Variants in STARD13 observed in about 807,000 individuals in gnomAD.
STARD13 encodes the protein stAR-related lipid transfer protein 13.
STARD13 carries 62 observed loss-of-function variants against 106.4 expected under a neutral mutation model. The ratio of observed to expected loss-of-function variants is 0.58; its 90% CI spans 0.48 to 0.72. STARD13 has a LOEUF of 0.72. STARD13 is among the 30% of genes least tolerant of loss of function. STARD13 has a pLI of 0.00. For missense variants in STARD13, 1,387 were observed against 1,424.0 expected, an observed-to-expected ratio of 0.97 and a Z score of 0.42; for synonymous variants, 565 against 553.0, an observed-to-expected ratio of 1.02 and a Z score of -0.31.
chr13:33,658,609 T>C, the STARD13 span, among the ~76,000 whole-genome samples: 1 of 152,246 alleles, frequency 6.6e-6, no homozygotes, highest in East Asian at 1.9e-4. Flanking sequence ...CCAATGGTCC[T>C]TCACCAGCTG....
the STARD13 span, among the ~76,000 whole-genome samples, chr13:33,377,329 T>C: frequency 6.6e-6 from 1 of 152,208 alleles, no homozygotes; most frequent in African/African-American, 2.4e-5. Context: ...TTACTTTGTG[T>C]CTTCTTTTGA....
the STARD13 span, among the ~76,000 whole-genome samples, chr13:33,673,109 C>A: frequency 6.6e-6 from 1 of 152,162 alleles, no homozygotes; most frequent in South Asian, 2.1e-4. Flanking sequence ...CATTTTATTC[C>A]AAGTGTTTTG....
At chr13:33,188,821 A>G (rs1346334626) in intron 1 of STARD13, among the ~76,000 whole-genome samples, 1 of 152,244 alleles carries the variant, frequency 6.6e-6, no homozygotes, top group Non-Finnish European at 1.5e-5. Flanking sequence ...TGCTTTCTTC[A>G]TAAAGAATCT....
chr13:33,364,574 AAGG>A, the STARD13 span, among the ~76,000 whole-genome samples: 1 of 152,150 alleles, frequency 6.6e-6, no homozygotes, highest in Non-Finnish European at 1.5e-5. Flanking sequence ...TGTGGTTTTA[AAGG>A]AGAATAGAAT....
At chr13:33,369,280 C>G in the STARD13 span, among the ~76,000 whole-genome samples, 2 of 151,998 alleles carry the variant, frequency 1.3e-5, no homozygotes, top group Non-Finnish European at 2.9e-5. Flanking sequence ...TTTCGTTTTT[C>G]TGCTGACACA....
chr13:33,558,679 T>G, the STARD13 span, among the ~76,000 whole-genome samples: 1 of 146,982 alleles, frequency 6.8e-6, no homozygotes, highest in Non-Finnish European at 1.5e-5. Context: ...TTTCACTGAT[T>G]CTTCTCACTT....
At chr13:33,600,997 CA>C in the STARD13 span, among the ~76,000 whole-genome samples, 12 of 152,164 alleles carry the variant, frequency 7.9e-5, no homozygotes, top group Non-Finnish European at 7.4e-5. Context: ...ACACTTGGAT[CA>C]AACGATGGAA....
intron 1 of STARD13, among the ~76,000 whole-genome samples, chr13:33,220,115 G>T (rs1888272953): frequency 6.6e-6 from 1 of 152,196 alleles, no homozygotes. Flanking sequence ...TATATCTTCA[G>T]TGGGTAGAGC....
Position 33,318,273 on chromosome 13 carries a change from G to A in STARD13, c.124+32017C>T, listed in dbSNP as rs557930388. 1.7e-4 allele frequency among the ~76,000 whole-genome samples: 26 copies of A among 152,216 alleles called. No homozygotes were observed. In the South Asian group the frequency reaches 1.9e-3, roughly 11 times the overall value. ...ACTCATTCTGACTCACAGAGAATACGTATTTATTTTAATATAAGAATGAAT... is the reference window on the plus strand; with the variant it reads ...ACTCATTCTGACTCACAGAGAATACATATTTATTTTAATATAAGAATGAAT... On this transcript the variant is annotated intron_variant, in intron 1 of 5. Coordinates refer to the STARD13 transcript ENST00000567873.
chr13:33,600,590 A>G, the STARD13 span, among the ~76,000 whole-genome samples: 5 of 152,234 alleles, frequency 3.3e-5, no homozygotes, highest in African/African-American at 4.8e-5. Flanking sequence ...GGTGAAAGGT[A>G]TACGGTATTC....
chr13:33,398,668 T>G, the STARD13 span, among the ~76,000 whole-genome samples: 3 of 152,120 alleles, frequency 2.0e-5, no homozygotes, highest in Non-Finnish European at 4.4e-5. Context: ...ACAGAAGATA[T>G]GCAAATAATC....
chr13:33,303,421 C>G (rs1206689287), intron 1 of STARD13, among the ~76,000 whole-genome samples: 1 of 152,082 alleles, frequency 6.6e-6, no homozygotes, highest in Non-Finnish European at 1.5e-5. Flanking sequence ...CTGGGTGACC[C>G]TAGACTTCAC....
At chr13:33,499,622 CT>C in the STARD13 span, among the ~76,000 whole-genome samples, 1,171 of 116,026 alleles carry the variant, frequency 0.01, 62 homozygotes, top group African/African-American at 0.018. Context: ...TCTTCTTCTT[CT>C]TCTTCTTCTT....
chr13:33,124,621 A>C (rs971175913), intron 7 of STARD13, among the ~76,000 whole-genome samples: 6 of 152,208 alleles, frequency 3.9e-5, no homozygotes, highest in African/African-American at 1.4e-4. Flanking sequence ...TGATATTGGC[A>C]CTGCACATTA....
At chr13:33,314,200 G>A (rs1208278644) in intron 1 of STARD13, among the ~76,000 whole-genome samples, 1 of 152,124 alleles carries the variant, frequency 6.6e-6, no homozygotes, top group African/African-American at 2.4e-5. Flanking sequence ...TCTAATTATG[G>A]TAGCTGTCAG....
chr13:33,208,604 G>A (rs1364706911), intron 1 of STARD13, among the ~76,000 whole-genome samples: 1 of 152,162 alleles, frequency 6.6e-6, no homozygotes, highest in Non-Finnish European at 1.5e-5. Flanking sequence ...CAGTCTGAGC[G>A]GTGAGAGCTA....
the STARD13 span, among the ~76,000 whole-genome samples, chr13:33,572,247 C>G: frequency 6.6e-6 from 1 of 152,148 alleles, no homozygotes; most frequent in African/African-American, 2.4e-5. Context: ...AAACTTTTCT[C>G]TGTACATTGT....
intron 1 of STARD13, among the ~76,000 whole-genome samples, chr13:33,219,025 C>T (rs990684519): frequency 2.0e-5 from 3 of 152,136 alleles, no homozygotes; most frequent in African/African-American, 7.2e-5. Flanking sequence ...GGCGTCTTCC[C>T]TTTCTAATTT....
chr13:33,412,672 A>T, the STARD13 span, among the ~76,000 whole-genome samples: 4 of 152,216 alleles, frequency 2.6e-5, no homozygotes, highest in East Asian at 7.7e-4. Flanking sequence ...AACTATAGTA[A>T]TATGAAAATG....
Sources: gnomAD v4.1 joint callset for allele counts (sites outside exome capture counted in the v4.1 genomes callset) on GRCh38, gnomAD v4.1.1 for gene constraint, MANE v1.5 for transcripts, NCBI Gene and HGNC (gene_info 2026-07-23, HGNC 2026-07-21) for gene names.